NELL1: variants seen among roughly 807,000 people sequenced by gnomAD.
The protein encoded by NELL1 is neural EGFL like 1, also known as protein kinase C-binding protein NELL1.
NELL1 carries 76 observed loss-of-function variants against 107.4 expected under a neutral mutation model. That is an observed-to-expected ratio of 0.71 (90% CI 0.59 to 0.86). The LOEUF is 0.86. NELL1 is among the 40% of genes least tolerant of loss of function. The pLI is 0.00. For missense variants in NELL1, 1,024 were observed against 1,005.5 expected (o/e 1.02, Z -0.25); for synonymous variants, 353 against 341.2 (o/e 1.03, Z -0.38).
chr11:21,298,469 A>C (rs1489962591), intron 14 of NELL1, among the ~76,000 whole-genome samples: 1 of 151,952 alleles, frequency 6.6e-6, no homozygotes, highest in Non-Finnish European at 1.5e-5. Flanking sequence ...CCTCTCTGAC[A>C]CCGTTTTGAT....
chr11:21,466,135 C>T (rs890475539), intron 15 of NELL1, among the ~76,000 whole-genome samples: 1 of 152,116 alleles, frequency 6.6e-6, no homozygotes, highest in African/African-American at 2.4e-5. Context: ...AGAATTGTGT[C>T]TCCTGACTCC....
intron 12 of NELL1, among the ~76,000 whole-genome samples, chr11:21,109,418 C>T (rs181023203): frequency 2.4e-3 from 370 of 152,190 alleles, no homozygotes; most frequent in Non-Finnish European, 4.1e-3. Flanking sequence ...AAATTTTTAG[C>T]GTGAACATGG....
intron 15 of NELL1, among the ~76,000 whole-genome samples, chr11:21,408,139 A>G (rs1207933841): frequency 6.6e-6 from 1 of 151,966 alleles, no homozygotes; most frequent in East Asian, 1.9e-4. Context: ...GATCCCAGGT[A>G]CTTGCCCAGA....
rs760437156 is a variant in NELL1, at chr11:21,534,450, C to T, written c.1722C>T (p.His574=). Residue 574 remains histidine, a synonymous_variant, in exon 16 of 20, where the codon CAC becomes CAT. Transcript: ENST00000357134. ...GCGTTAACCTGCCAGGGTGGTACCA[C>T]TGTGAGTGCAGAAGCGGTTTCCATG... ...SRCVNLPGWY[H]CECRSGFHDD... The T allele has an allele frequency of 1.2e-4, 195 of 1,613,752 alleles. No individual in the cohort carries two copies. The highest frequency in any genetic ancestry group is 1.1e-5 in the South Asian group (1 of 91,082).
At chr11:20,910,090 C>G (rs1850092244) in intron 5 of NELL1, among the ~76,000 whole-genome samples, 1 of 152,106 alleles carries the variant, frequency 6.6e-6, no homozygotes. Flanking sequence ...TGGAGTTGGC[C>G]AAAGGCTGAC....
rs199714493 is a variant in NELL1, at chr11:21,560,281, G to A, written c.1879G>A (p.Gly627Arg). ...AGGFDCLCPS[G>R]PSCSGDCPHE... ...GGGCTTTGACTGTCTCTGCCCCTCT[G>A]GGCCCTCCTGCTCTGGTGACTGTCC... Residue 627 changes from glycine (G) to arginine (R), a missense_variant, in exon 17 of 20, where the codon GGG becomes AGG. By Grantham distance (125) the Gly-to-Arg change is moderately radical. Transcript: ENST00000357134. 2 of 1,613,496 alleles carry A rather than the reference G, an allele frequency of 1.2e-6. No individual in the cohort carries two copies. Among genetic ancestry groups the A allele is most frequent in the African/African-American group, 2.7e-5 (2 of 75,018 alleles).
At chr11:21,251,597 T>C (rs1590773683) in intron 14 of NELL1, among the ~76,000 whole-genome samples, 1 of 151,820 alleles carries the variant, frequency 6.6e-6, no homozygotes, top group Admixed American at 6.6e-5. Context: ...AGGGCAGCAC[T>C]AGATCCACCA....
chr11:21,467,217 A>T (rs982658521), intron 15 of NELL1, among the ~76,000 whole-genome samples: 19 of 152,196 alleles, frequency 1.2e-4, no homozygotes, highest in Non-Finnish European at 1.3e-4. Flanking sequence ...GTATGACTTA[A>T]GACAAGGTAC....
intron 12 of NELL1, among the ~76,000 whole-genome samples, chr11:20,981,905 G>C (rs1197492914): frequency 6.6e-6 from 1 of 151,978 alleles, no homozygotes; most frequent in Non-Finnish European, 1.5e-5. Flanking sequence ...TGGATTCAGG[G>C]CTCAAACAAT....
At chr11:20,702,525 G>C (rs560893972) in intron 2 of NELL1, among the ~76,000 whole-genome samples, 2 of 152,062 alleles carry the variant, frequency 1.3e-5, no homozygotes, top group South Asian at 4.2e-4. Flanking sequence ...TGATTGCCCT[G>C]GCCAGAACTT....
chr11:21,056,677 C>T (rs1853622857), intron 12 of NELL1, among the ~76,000 whole-genome samples: 1 of 152,166 alleles, frequency 6.6e-6, no homozygotes, highest in Admixed American at 6.6e-5. Flanking sequence ...CTCTTTTCTC[C>T]ATTACATTAC....
At chr11:21,459,401 A>G (rs1157029420) in intron 15 of NELL1, among the ~76,000 whole-genome samples, 1 of 151,052 alleles carries the variant, frequency 6.6e-6, no homozygotes, top group Non-Finnish European at 1.5e-5. Context: ...AGATGTTGGC[A>G]ATAAATGAAG....
chr11:21,083,170 C>T (rs982760486), intron 12 of NELL1, among the ~76,000 whole-genome samples: 3 of 152,064 alleles, frequency 2.0e-5, no homozygotes, highest in Admixed American at 2.0e-4. Flanking sequence ...TTTATGGGGC[C>T]ATTGGTAGGT....
At chr11:21,513,022 G>GTA (rs1855476923) in intron 15 of NELL1, among the ~76,000 whole-genome samples, 1 of 152,166 alleles carries the variant, frequency 6.6e-6, no homozygotes, top group Admixed American at 6.5e-5. Flanking sequence ...ATCAAAGCCA[G>GTA]TAGTCAAGGT....
intron 12 of NELL1, among the ~76,000 whole-genome samples, chr11:20,964,083 C>G (rs998670028): frequency 6.6e-6 from 1 of 152,152 alleles, no homozygotes; most frequent in Non-Finnish European, 1.5e-5. Flanking sequence ...TTCATTTTGC[C>G]TTTTCTGACT....
chr11:21,542,926 A>G (rs1332950252), intron 16 of NELL1, among the ~76,000 whole-genome samples: 9 of 152,094 alleles, frequency 5.9e-5, no homozygotes, highest in Admixed American at 5.2e-4. Context: ...AATGGGAAAC[A>G]TGAGTATATA....
intron 1 of NELL1, among the ~76,000 whole-genome samples, chr11:20,677,270 G>T (rs540508013): frequency 6.6e-6 from 1 of 152,258 alleles, no homozygotes; most frequent in African/African-American, 2.4e-5. Context: ...ACAGGTGATT[G>T]TGACTGATTA....
chr11:21,026,100 C>G (rs1398414273), intron 12 of NELL1, among the ~76,000 whole-genome samples: 1 of 152,162 alleles, frequency 6.6e-6, no homozygotes, highest in African/African-American at 2.4e-5. Flanking sequence ...TCTCTTAACT[C>G]TTCTCTCTGT....
intron 5 of NELL1, among the ~76,000 whole-genome samples, chr11:20,900,832 G>GA (rs1291617249): frequency 1.3e-5 from 2 of 151,972 alleles, no homozygotes; most frequent in African/African-American, 4.8e-5. Context: ...TTTATCTTCA[G>GA]AAAATTTCTT....
Sources: allele counts gnomAD v4.1 joint callset (sites outside exome capture counted in the v4.1 genomes callset), GRCh38; gene constraint gnomAD v4.1.1; transcripts MANE v1.5; gene names NCBI Gene and HGNC (gene_info 2026-07-23, HGNC 2026-07-21).